The following HIF3A variants were observed in gnomAD, a reference collection of about 807,000 sequenced individuals.
HIF3A encodes the protein hypoxia-inducible factor 3-alpha.
A neutral mutation model predicts 67.2 loss-of-function variants in HIF3A; 41 were observed. The observed-to-expected ratio is 0.61, with a 90% confidence interval of 0.48 to 0.79. The LOEUF is 0.79. Among genes scored for constraint, HIF3A ranks in the 30% least tolerant of loss-of-function variants. The pLI, the probability that HIF3A is intolerant of heterozygous loss-of-function variation, is 0.00. For synonymous variants in HIF3A, 356 were observed against 374.8 expected (o/e 0.95, Z 0.58); for missense variants, 855 against 898.0 (o/e 0.95, Z 0.61).
intron 11 of HIF3A, among the ~76,000 whole-genome samples, chr19:46,327,241 T>G (rs1970852115): frequency 6.6e-6 from 1 of 151,766 alleles, no homozygotes; most frequent in African/African-American, 2.4e-5. Flanking sequence ...CCCAAAGTGC[T>G]GGGATTAGAG....
In HIF3A at chr19:46,309,281, G is replaced by A; in HGVS notation, c.692G>A (p.Ser231Asn). 1.2e-6 allele frequency: 2 copies of A among 1,613,632 alleles called. No individual in the cohort carries two copies. Among genetic ancestry groups the A allele is most frequent in the South Asian group, 1.1e-5 (1 of 90,984 alleles). Residue 231 changes from serine (S) to asparagine (N), a missense_variant, in exon 6 of 15, where the codon AGC becomes AAC. Ser to Asn is a conservative substitution (Grantham distance 46). Coordinates refer to ENST00000377670, the MANE Select transcript of HIF3A (RefSeq NM_152795.4). ...TGCGAAGCCATCCCCCACCCAGGCA[G>A]CCTGGAGCCCCCACTGGGCCGAGGG... ...LICEAIPHPG[S>N]LEPPLGRGAF...
At chr19:46,304,285 T>A (rs1478679857) in intron 2 of HIF3A, 197 bp downstream of exon 2, 2 of 590,348 alleles carry the variant, frequency 3.4e-6, no homozygotes, top group Non-Finnish European at 6.0e-6. Flanking sequence ...GTTCCTGGCC[T>A]GCTGGGAGTC....
intron 14 of HIF3A, among the ~76,000 whole-genome samples, chr19:46,336,409 C>G (rs1482260584): frequency 6.6e-6 from 1 of 151,994 alleles, no homozygotes; most frequent in Admixed American, 6.6e-5. Flanking sequence ...CTCTGTCACT[C>G]AGGCTGGAGT....
At chr19:46,308,628 C>T in intron 4 of HIF3A, 35 bp from the exon 5 acceptor site, 1 of 1,339,348 alleles carries the variant, frequency 7.5e-7, no homozygotes, top group Non-Finnish European at 1.0e-6. Context: ...TGTGTAGCTG[C>T]CTGTGACCTC....
At position 46,339,974 on chromosome 19, in the gene HIF3A, C is replaced by A; in HGVS notation, c.*352C>A. ...CAGGGGTGAGGAGGGTTGGGGGGGT[C>A]ATATCTGTGTTTCCAGGTTCTGGGG... is the stretch of plus-strand genomic sequence containing the variant. On this transcript the variant is annotated 3_prime_UTR_variant, in exon 15 of 15. Transcript: ENST00000377670. 4.2e-6 allele frequency: 1 copy of A among 236,364 alleles called. No homozygotes were observed. Among genetic ancestry groups the A allele is most frequent in the Non-Finnish European group, 8.1e-6 (1 of 123,300 alleles). 14.6% of individuals were successfully genotyped at this position (236,364 alleles called of 1,614,324 possible). A position where few individuals can be genotyped will look rare whatever the true frequency, so the allele number is the denominator to read the frequency against.
intron 3 of HIF3A, 95 bp downstream of exon 3, chr19:46,305,485 C>T: frequency 5.0e-6 from 6 of 1,195,156 alleles, no homozygotes; most frequent in Non-Finnish European, 7.1e-6. Flanking sequence ...CTTTATGGGA[C>T]TCACAATACA....
At chr19:46,337,565 T>C (rs144575405) in intron 14 of HIF3A, among the ~76,000 whole-genome samples, 1 of 152,262 alleles carries the variant, frequency 6.6e-6, no homozygotes, top group Non-Finnish European at 1.5e-5. Flanking sequence ...CTCTGTCTTC[T>C]TTGGGGAAAA....
intron 11 of HIF3A, among the ~76,000 whole-genome samples, chr19:46,326,920 G>A (rs964956755): frequency 6.6e-5 from 10 of 152,124 alleles, no homozygotes; most frequent in South Asian, 2.1e-4. Flanking sequence ...TTGGGAGGCC[G>A]AGGCAGGTGG....
intron 6 of HIF3A, among the ~76,000 whole-genome samples, chr19:46,310,086 A>G (rs8106485): frequency 0.9 from 136,675 of 152,072 alleles, 61,530 homozygotes; most frequent in Non-Finnish European, 0.93. Flanking sequence ...TTAGCTGGGC[A>G]TGGTGGCGCA....
chr19:46,327,725 T>G (rs1970894380), intron 11 of HIF3A, among the ~76,000 whole-genome samples: 1 of 152,198 alleles, frequency 6.6e-6, no homozygotes, highest in African/African-American at 2.4e-5. Flanking sequence ...CAGACTCCTG[T>G]AGACTCCCTC....
intron 8 of HIF3A, among the ~76,000 whole-genome samples, chr19:46,318,741 C>T (rs1482695796): frequency 1.3e-5 from 2 of 151,718 alleles, no homozygotes; most frequent in Non-Finnish European, 2.9e-5. Context: ...CTGCCTCAAC[C>T]TCCTGAGTAG....
Position 46,309,136 on chromosome 19 carries a change from C to T in HIF3A, c.562-15C>T, listed in dbSNP as rs368609720. The stretch of plus-strand genomic sequence containing the variant: ...CAGAGGCACCACTGCCTTGTCCCCT[C>T]ATCTCGGCCCCCAGGTGCTGAACTG... On this transcript the variant is annotated splice_polypyrimidine_tract_variant and intron_variant, in intron 5 of 14. Coordinates refer to ENST00000377670, the MANE Select transcript of HIF3A (RefSeq NM_152795.4). 6.4e-5 allele frequency: 103 copies of T among 1,606,406 alleles called. No individual in the cohort carries two copies. Among genetic ancestry groups the T allele is most frequent in the Non-Finnish European group, 8.2e-5 (96 of 1,174,740 alleles).
At chr19:46,328,282 C>T (rs1222339653) in intron 11 of HIF3A, among the ~76,000 whole-genome samples, 1 of 152,236 alleles carries the variant, frequency 6.6e-6, no homozygotes, top group African/African-American at 2.4e-5. Context: ...CAGAACATTC[C>T]AGAGGTTTAG....
rs184618806 is a variant in HIF3A at position 46,335,106 on chromosome 19, G to A, written c.1912+120G>A. 0.012 allele frequency: 8,404 copies of A among 677,316 alleles called. 78 individuals are homozygous for A. Among genetic ancestry groups the A allele is most frequent in the Non-Finnish European group, 0.017 (7,206 of 415,608 alleles). The allele number at this position is 677,316 out of a possible 1,614,324, so 42.0% of individuals were successfully genotyped here. On this transcript the variant is annotated intron_variant, in intron 14 of 14. Coordinates refer to ENST00000377670, the MANE Select transcript of HIF3A (RefSeq NM_152795.4). The stretch of plus-strand genomic sequence containing the variant: ...TCAGTGCTTGGAGGTGACCTTGGTG[G>A]AAACGGCAGCTCCTGTCTCTTCTCT...
At chr19:46,320,640 C>G (rs979592161) in intron 9 of HIF3A, 79 bp downstream of exon 9, 2 of 1,063,580 alleles carry the variant, frequency 1.9e-6, no homozygotes, top group Non-Finnish European at 2.8e-6. Context: ...TAACATGGCT[C>G]ACCAGGCCCT....
chr19:46,311,920 T>C (rs1969460555), intron 6 of HIF3A: 1 of 709,244 alleles, frequency 1.4e-6, no homozygotes, highest in Middle Eastern at 2.4e-4. Context: ...GCAAAGTCCC[T>C]TTAGCCACGT....
At chr19:46,299,754 G>T (rs1968170239) in intron 1 of HIF3A, among the ~76,000 whole-genome samples, 1 of 150,586 alleles carries the variant, frequency 6.6e-6, no homozygotes, top group African/African-American at 2.4e-5. Flanking sequence ...AGAAAACTGG[G>T]TATCACACTC....
At position 46,334,015 on chromosome 19, in the gene HIF3A, A is replaced by G. The variant is rs192833305; in HGVS notation, c.1831-890A>G. ...TCACCGTGTTATCCAGGATGGTCTC[A>G]ATCTCCTGACCTCGTGATCCGCCCA... On this transcript the variant is annotated intron_variant, in intron 13 of 14. Transcript: ENST00000377670. 4.5e-3 allele frequency among the ~76,000 whole-genome samples: 684 copies of G among 151,518 alleles called. 4 individuals carry two copies. The highest frequency in any genetic ancestry group is 0.015 in the African/African-American group (628 of 41,310).
intron 8 of HIF3A, among the ~76,000 whole-genome samples, chr19:46,313,790 C>T (rs557105525): frequency 1.8e-4 from 27 of 151,308 alleles, no homozygotes; most frequent in East Asian, 5.8e-4. Context: ...TTCAGCCTCC[C>T]GACTAGCTGG....
Sources: gnomAD v4.1 joint callset for allele counts (sites outside exome capture counted in the v4.1 genomes callset) on GRCh38, gnomAD v4.1.1 for gene constraint, MANE v1.5 for transcripts, NCBI Gene and HGNC (gene_info 2026-07-23, HGNC 2026-07-21) for gene names.